Variants in SLC23A2 observed in about 807,000 individuals in gnomAD.
The protein encoded by SLC23A2 is solute carrier family 23 member 2.
A neutral mutation model predicts 73.3 loss-of-function variants in SLC23A2; 36 were observed. The ratio of observed to expected loss-of-function variants is 0.49; its 90% CI spans 0.38 to 0.65. The LOEUF is 0.65. Among genes scored for constraint, SLC23A2 ranks in the 30% least tolerant of loss-of-function variants. SLC23A2 has a pLI of 0.00. For synonymous variants in SLC23A2, 343 were observed against 327.3 expected, an observed-to-expected ratio of 1.05 and a Z score of -0.52; for missense variants, 507 against 841.6, an observed-to-expected ratio of 0.60 and a Z score of 4.92.
At position 4,998,202 on chromosome 20, in the gene SLC23A2, G is replaced by A. The variant is rs2088055896; in HGVS notation, c.-282+3204C>T. ...CCCCACACTTAATCCCCCGAGCCTT[G>A]TCAGATTCCTCTTCACAGAACCAGA... On this transcript the variant is annotated intron_variant, in intron 1 of 16. Coordinates refer to ENST00000338244, the MANE Select transcript of SLC23A2 (RefSeq NM_005116.6). The surrounding 1 kb of genome is among the most constrained non-coding windows in gnomAD (Gnocchi z 4.1). 6.6e-6 allele frequency among the ~76,000 whole-genome samples: 1 copy of A among 152,086 alleles called. No individual in the cohort carries two copies.
At chr20:4,878,689 G>A (rs1335974155) in intron 9 of SLC23A2, among the ~76,000 whole-genome samples, 2 of 152,060 alleles carry the variant, frequency 1.3e-5, no homozygotes, top group East Asian at 3.8e-4. Flanking sequence ...ATATAAATTA[G>A]GAGTCTAACT....
chr20:4,915,040 T>A (rs942181872), intron 3 of SLC23A2, among the ~76,000 whole-genome samples: 1 of 151,636 alleles, frequency 6.6e-6, no homozygotes, highest in African/African-American at 2.4e-5. Context: ...AATAAATAAA[T>A]AGCTAGCTGA....
intron 1 of SLC23A2, among the ~76,000 whole-genome samples, chr20:4,972,530 T>C (rs991957775): frequency 6.6e-6 from 1 of 150,622 alleles, no homozygotes; most frequent in African/African-American, 2.4e-5. Flanking sequence ...TCTCTACACA[T>C]AAATCTATCT....
intron 1 of SLC23A2, among the ~76,000 whole-genome samples, chr20:5,008,953 G>C (rs750173808): frequency 1.3e-5 from 2 of 151,926 alleles, no homozygotes; most frequent in African/African-American, 4.8e-5. Context: ...AAAAAGCCAC[G>C]TACAGTATTT....
intron 9 of SLC23A2, among the ~76,000 whole-genome samples, chr20:4,881,522 G>A (rs1490647942): frequency 1.3e-5 from 2 of 152,186 alleles, no homozygotes; most frequent in East Asian, 3.8e-4. Context: ...GACGGGATCT[G>A]TGGCAGATCT....
chr20:5,004,413 T>A (rs754068500), upstream of SLC23A2, among the ~76,000 whole-genome samples: 1 of 152,224 alleles, frequency 6.6e-6, no homozygotes, highest in African/African-American at 2.4e-5. Context: ...TTTCTTGGAC[T>A]GTTAACCATC....
intron 3 of SLC23A2, among the ~76,000 whole-genome samples, chr20:4,924,224 G>C (rs1331496117): frequency 6.6e-6 from 1 of 152,128 alleles, no homozygotes; most frequent in Non-Finnish European, 1.5e-5. Flanking sequence ...ACAGCAACTT[G>C]CCCCTTCTTT....
At chr20:4,994,436 TCA>T (rs2087982843) in intron 1 of SLC23A2, among the ~76,000 whole-genome samples, 1 of 151,630 alleles carries the variant, frequency 6.6e-6, no homozygotes, top group Non-Finnish European at 1.5e-5. Context: ...TGGAGAGGAG[TCA>T]ATAAAGCCAA....
At chr20:4,884,418 G>A (rs1019728195) in intron 8 of SLC23A2, among the ~76,000 whole-genome samples, 1 of 152,200 alleles carries the variant, frequency 6.6e-6, no homozygotes, top group Non-Finnish European at 1.5e-5. Flanking sequence ...ACTGAGGCCA[G>A]AGCGAACAAT....
intron 2 of SLC23A2, among the ~76,000 whole-genome samples, chr20:4,951,570 C>T (rs186191757): frequency 2.7e-4 from 41 of 152,186 alleles, no homozygotes; most frequent in African/African-American, 9.9e-4. Context: ...ACAAAACATC[C>T]AGAGTAGGCA....
intron 9 of SLC23A2, among the ~76,000 whole-genome samples, chr20:4,876,475 C>T (rs1003294998): frequency 1.5e-4 from 23 of 152,104 alleles, no homozygotes; most frequent in African/African-American, 5.3e-4. Flanking sequence ...TCAAATACAC[C>T]TGGGGGCAGG....
At chr20:4,994,269 C>A (rs2122342549) in intron 1 of SLC23A2, among the ~76,000 whole-genome samples, 1 of 152,278 alleles carries the variant, frequency 6.6e-6, no homozygotes, top group African/African-American at 2.4e-5. Flanking sequence ...CCTCCACCAG[C>A]AACATCCCTG....
intron 3 of SLC23A2, among the ~76,000 whole-genome samples, chr20:4,919,196 C>G (rs1715366): frequency 0.46 from 70,286 of 152,098 alleles, 16,491 homozygotes; most frequent in East Asian, 0.65. Context: ...ATGCAGCAGC[C>G]GATAGATCTA....
At chr20:4,996,780 T>G (rs2088030053) in intron 1 of SLC23A2, among the ~76,000 whole-genome samples, 1 of 151,646 alleles carries the variant, frequency 6.6e-6, no homozygotes, top group African/African-American at 2.4e-5. Flanking sequence ...GGATGGAATT[T>G]CCATAGAGGG....
upstream of SLC23A2, among the ~76,000 whole-genome samples, chr20:5,002,123 G>A (rs1175870299): frequency 6.6e-6 from 1 of 152,132 alleles, no homozygotes; most frequent in Non-Finnish European, 1.5e-5. Context: ...CTTCTAAATT[G>A]TCCCCAGGTG....
rs563956072 is a variant in SLC23A2, at chr20:4,863,802, C to T, written c.1357-895G>A. Among the ~76,000 whole-genome samples, 21 of 152,352 alleles carry T rather than the reference C, an allele frequency of 1.4e-4. 1 individual carries two copies. The highest frequency in any genetic ancestry group is 1.2e-3 in the South Asian group (6 of 4,826). The stretch of plus-strand genomic sequence containing the variant: ...CCTCCTAGCCAGATCCTAGATGCAT[C>T]CTTTTAAACATCACCCAAATGCTCC... On this transcript the variant is annotated intron_variant, in intron 13 of 16. Coordinates refer to ENST00000338244, the MANE Select transcript of SLC23A2 (RefSeq NM_005116.6). This position sits in a 1 kb window ranked among gnomAD's most constrained non-coding sequence, Gnocchi z 4.8.
intron 13 of SLC23A2, among the ~76,000 whole-genome samples, chr20:4,864,700 T>G (rs1261664288): frequency 6.6e-6 from 1 of 152,186 alleles, no homozygotes; most frequent in East Asian, 1.9e-4. Context: ...CTCACTGCTA[T>G]GCTGTTCTGC....
rs1302122849 is a variant in SLC23A2, at chr20:4,988,964, C to T, written c.-282+12442G>A. On this transcript the variant is annotated intron_variant, in intron 1 of 16. Coordinates refer to ENST00000338244, the MANE Select transcript of SLC23A2 (RefSeq NM_005116.6). ...AAGAAATCGCTAACTAGGCCGGGCG[C>T]GGTGGCTCACATTTGTAATCCCAGC... Among the ~76,000 whole-genome samples the T allele has an allele frequency of 2.0e-5, 3 of 151,668 alleles. No individual in the cohort carries two copies. In the South Asian group the frequency reaches 6.2e-4, roughly 32 times the overall value.
chr20:4,859,233 AAC>A lies in SLC23A2; in HGVS notation c.1720+54_1720+55del, dbSNP rs572028516. On this transcript the variant is annotated intron_variant, in intron 16 of 16. Coordinates refer to ENST00000338244, the MANE Select transcript of SLC23A2 (RefSeq NM_005116.6). ...TCCATTTCTATTTGGCAAAAAAAGTAACACATATGTTAAAAAATAAAAAAAAA... is the reference window on the plus strand; with the variant it reads ...TCCATTTCTATTTGGCAAAAAAAGTAACATATGTTAAAAAATAAAAAAAAA... 5,535 of 1,058,714 alleles carry A rather than the reference AAC, an allele frequency of 5.2e-3. 35 individuals are homozygous for A. The highest frequency in any genetic ancestry group is 6.2e-3 in the Non-Finnish European group (4,331 of 693,576). 65.6% of individuals were successfully genotyped at this position (1,058,714 alleles called of 1,614,324 possible). A position where few individuals can be genotyped will look rare whatever the true frequency, so the allele number is the denominator to read the frequency against.
Sources: allele counts gnomAD v4.1 joint callset (sites outside exome capture counted in the v4.1 genomes callset), GRCh38; gene constraint gnomAD v4.1.1; non-coding constraint Gnocchi (gnomAD v3.1); transcripts MANE v1.5; gene names NCBI Gene and HGNC (gene_info 2026-07-23, HGNC 2026-07-21).